Variants in RBFOX1 observed in about 807,000 individuals in gnomAD.
The protein encoded by RBFOX1 is RNA binding protein fox-1 homolog 1.
A neutral mutation model predicts 57.7 loss-of-function variants in RBFOX1; 8 were observed. The observed-to-expected ratio is 0.14, with a 90% CI of 0.08 to 0.25. The LOEUF is 0.25. RBFOX1 is among the 10% of genes least tolerant of loss of function. The pLI, the probability that RBFOX1 is intolerant of heterozygous loss-of-function variation, is 1.00. For synonymous variants in RBFOX1, 326 were observed against 222.4 expected, an observed-to-expected ratio of 1.47 and a Z score of -4.15; for missense variants, 611 against 548.5, an observed-to-expected ratio of 1.11 and a Z score of -1.14.
At chr16:7,528,766 T>C (rs1284041192) in intron 5 of RBFOX1, among the ~76,000 whole-genome samples, 5 of 152,310 alleles carry the variant, frequency 3.3e-5, no homozygotes, top group African/African-American at 4.8e-5. Context: ...ATATAGTCTT[T>C]AGGTGCATAG....
At chr16:5,321,882 G>A (rs1209084134) in intron 1 of RBFOX1, among the ~76,000 whole-genome samples, 1 of 152,102 alleles carries the variant, frequency 6.6e-6, no homozygotes, top group Non-Finnish European at 1.5e-5. Flanking sequence ...CACAGAGCAG[G>A]GACCCACACC....
intron 1 of RBFOX1, among the ~76,000 whole-genome samples, chr16:5,376,737 C>T (rs2065994474): frequency 6.6e-6 from 1 of 151,802 alleles, no homozygotes; most frequent in Non-Finnish European, 1.5e-5. Context: ...GGTCCTTTGG[C>T]AGCACCCATG....
At chr16:6,841,863 G>T (rs1422867349) in intron 3 of RBFOX1, among the ~76,000 whole-genome samples, 1 of 152,096 alleles carries the variant, frequency 6.6e-6, no homozygotes, top group Non-Finnish European at 1.5e-5. Flanking sequence ...AACAGGCCGG[G>T]CGCGGTGGCT....
intron 3 of RBFOX1, among the ~76,000 whole-genome samples, chr16:5,652,609 C>G (rs891257135): frequency 6.6e-6 from 1 of 152,224 alleles, no homozygotes; most frequent in Non-Finnish European, 1.5e-5. Flanking sequence ...GTCCTCCTCT[C>G]AGCCCCCACC....
chr16:7,379,817 C>T (rs1346171685), intron 4 of RBFOX1, among the ~76,000 whole-genome samples: 3 of 151,674 alleles, frequency 2.0e-5, no homozygotes, highest in Non-Finnish European at 4.4e-5. Flanking sequence ...TGCCTCCCTC[C>T]CTCCCTCCTC....
chr16:6,558,765 CT>C, intron 2 of RBFOX1, among the ~76,000 whole-genome samples: 1 of 151,830 alleles, frequency 6.6e-6, no homozygotes, highest in Non-Finnish European at 1.5e-5. Flanking sequence ...GATTAACATG[CT>C]TCCCCCACCC....
At chr16:6,432,032 G>C (rs915429023) in intron 2 of RBFOX1, among the ~76,000 whole-genome samples, 1 of 151,336 alleles carries the variant, frequency 6.6e-6, no homozygotes, top group Non-Finnish European at 1.5e-5. Flanking sequence ...CACGACTATA[G>C]CTTATTGTAG....
intron 2 of RBFOX1, among the ~76,000 whole-genome samples, chr16:5,530,060 C>T (rs186848008): frequency 1.5e-3 from 234 of 152,222 alleles, no homozygotes; most frequent in African/African-American, 5.4e-3. Context: ...TTTTAGCATC[C>T]AGAGCTGTGA....
chr16:5,803,956 C>A (rs1431081169), intron 3 of RBFOX1, among the ~76,000 whole-genome samples: 1 of 152,180 alleles, frequency 6.6e-6, no homozygotes, highest in East Asian at 1.9e-4. Context: ...CATGCCCTTC[C>A]CTACTTGTCA....
At chr16:7,574,049 C>T (rs889825003) in intron 5 of RBFOX1, among the ~76,000 whole-genome samples, 2 of 152,030 alleles carry the variant, frequency 1.3e-5, no homozygotes, top group Non-Finnish European at 2.9e-5. Context: ...TTTGTCATAA[C>T]GTTCAGCAAG....
chr16:6,819,560 G>A (rs11865303), intron 3 of RBFOX1, among the ~76,000 whole-genome samples: 34,193 of 151,386 alleles, frequency 0.23, 3,904 homozygotes, highest in East Asian at 0.28. Flanking sequence ...AAAATTAGCC[G>A]GGCCTGTTGG....
intron 5 of RBFOX1, among the ~76,000 whole-genome samples, chr16:7,559,855 A>G (rs1478312219): frequency 6.6e-6 from 1 of 152,186 alleles, no homozygotes; most frequent in Non-Finnish European, 1.5e-5. Context: ...CTGTGGGAAG[A>G]AAGGCCTTTA....
chr16:5,429,149 T>A (rs2067652819), intron 1 of RBFOX1, among the ~76,000 whole-genome samples: 1 of 152,134 alleles, frequency 6.6e-6, no homozygotes, highest in Non-Finnish European at 1.5e-5. Context: ...TGCAGTGTTT[T>A]CTTTTCACTC....
intron 3 of RBFOX1, among the ~76,000 whole-genome samples, chr16:6,821,618 T>C (rs2091316481): frequency 6.6e-6 from 1 of 152,228 alleles, no homozygotes; most frequent in South Asian, 2.1e-4. Context: ...CCGTTTATGA[T>C]ATCTTACATA....
At chr16:6,918,623 C>T (rs1165062279) in intron 3 of RBFOX1, among the ~76,000 whole-genome samples, 3 of 152,108 alleles carry the variant, frequency 2.0e-5, no homozygotes, top group Non-Finnish European at 4.4e-5. Flanking sequence ...AAATCTCATA[C>T]CCTTCTCAGT....
chr16:6,706,479 A>G (rs1338615004), intron 3 of RBFOX1, among the ~76,000 whole-genome samples: 1 of 152,206 alleles, frequency 6.6e-6, no homozygotes, highest in Non-Finnish European at 1.5e-5. Context: ...GGACAGCCTG[A>G]TGGCTGGTAA....
intron 2 of RBFOX1, among the ~76,000 whole-genome samples, chr16:5,502,858 C>A (rs1001247871): frequency 7.2e-5 from 11 of 152,280 alleles, no homozygotes; most frequent in Non-Finnish European, 1.5e-4. Context: ...GGCAGGGAGA[C>A]CAGAGCACAG....
At chr16:6,217,174 CTT>C (rs71142697) in intron 1 of RBFOX1, among the ~76,000 whole-genome samples, 2 of 119,080 alleles carry the variant, frequency 1.7e-5, no homozygotes, top group African/African-American at 6.3e-5. Flanking sequence ...TTAGGGGATT[CTT>C]TTTTTTTTTT....
chr16:7,648,475 G>GGCC (rs1317120310), intron 11 of RBFOX1, among the ~76,000 whole-genome samples: 1 of 152,068 alleles, frequency 6.6e-6, no homozygotes, highest in Admixed American at 6.5e-5. Context: ...TGCCCACCTT[G>GGCC]GCCTCCCAAA....
Sources: allele counts gnomAD v4.1 joint callset (sites outside exome capture counted in the v4.1 genomes callset), GRCh38; gene constraint gnomAD v4.1.1; transcripts MANE v1.5; gene names NCBI Gene and HGNC (gene_info 2026-07-23, HGNC 2026-07-21).